TFCP2L1: variants seen among roughly 807,000 people sequenced by gnomAD.
The protein encoded by TFCP2L1 is transcription factor CP2-like protein 1.
A neutral mutation model predicts 72.2 loss-of-function variants in TFCP2L1; 12 were observed. That is an observed-to-expected ratio of 0.17 (90% CI 0.11 to 0.27). The LOEUF (loss-of-function observed/expected upper bound fraction) is 0.27, where lower values mean the gene tolerates loss of function less well. TFCP2L1 is among the 10% of genes least tolerant of loss of function. The probability of loss-of-function intolerance (pLI) is 1.00; values close to 1 mark genes in which losing one functional copy is unlikely to be tolerated. For missense variants in TFCP2L1, 488 were observed against 624.6 expected (o/e 0.78, Z 2.33); for synonymous variants, 260 against 251.0 (o/e 1.04, Z -0.34).
chr2:121,264,168 C>T (rs1246060708), intron 2 of TFCP2L1, among the ~76,000 whole-genome samples: 1 of 152,172 alleles, frequency 6.6e-6, no homozygotes, highest in Non-Finnish European at 1.5e-5. Flanking sequence ...CCCCAGGTCT[C>T]GAAGGCAGGG....
intron 2 of TFCP2L1, among the ~76,000 whole-genome samples, chr2:121,270,043 T>C (rs768981730): frequency 2.7e-5 from 4 of 150,894 alleles, no homozygotes; most frequent in Admixed American, 6.6e-5. Context: ...CTCTTACAAA[T>C]AAATAAGGAT....
At chr2:121,276,533 T>C (rs1048650943) in intron 2 of TFCP2L1, among the ~76,000 whole-genome samples, 1 of 150,754 alleles carries the variant, frequency 6.6e-6, no homozygotes, top group Admixed American at 6.6e-5. Flanking sequence ...CTCAGGAGGC[T>C]GAGGTAGGAG....
At chr2:121,276,634 GAAA>G (rs199554642) in intron 2 of TFCP2L1, among the ~76,000 whole-genome samples, 3 of 100,036 alleles carry the variant, frequency 3.0e-5, no homozygotes, top group Non-Finnish European at 2.2e-5. Context: ...CCCTGTCTCA[GAAA>G]AAAAAAAAAA....
intron 2 of TFCP2L1, among the ~76,000 whole-genome samples, chr2:121,280,891 T>C (rs1006598890): frequency 2.0e-5 from 3 of 152,052 alleles, no homozygotes; most frequent in African/African-American, 4.8e-5. Context: ...TGTTACCCTG[T>C]TACCCGCGTG....
chr2:121,270,421 C>T (rs574569777), intron 2 of TFCP2L1, among the ~76,000 whole-genome samples: 12 of 152,166 alleles, frequency 7.9e-5, no homozygotes, highest in South Asian at 4.2e-4. Flanking sequence ...GAAGGCAATC[C>T]GGCAGTACCT....
intron 3 of TFCP2L1, 103 bp downstream of exon 3, chr2:121,249,468 C>T: frequency 8.1e-6 from 9 of 1,105,306 alleles, no homozygotes; most frequent in Non-Finnish European, 1.1e-5. Context: ...CCGGCCTCTC[C>T]CTAACCTTCC....
At chr2:121,240,066 A>G (rs1686336095) in intron 7 of TFCP2L1, 1 of 985,302 alleles carries the variant, frequency 1.0e-6, no homozygotes, top group South Asian at 4.7e-5. Context: ...CAACTTCCAA[A>G]CAAAAAAATA....
At chr2:121,247,111 A>C in intron 5 of TFCP2L1, 141 bp from the exon 6 acceptor site, 1 of 965,232 alleles carries the variant, frequency 1.0e-6, no homozygotes, top group South Asian at 1.7e-5. Flanking sequence ...TTTCCCTGAC[A>C]CTCTGTCCAC....
chr2:121,267,282 C>G (rs1686950680), intron 2 of TFCP2L1, among the ~76,000 whole-genome samples: 1 of 152,116 alleles, frequency 6.6e-6, no homozygotes, highest in African/African-American at 2.4e-5. Flanking sequence ...GAACTCTGGG[C>G]TGAAGGCATC....
chr2:121,240,017 TC>T, intron 7 of TFCP2L1: 6 of 982,874 alleles, frequency 6.1e-6, no homozygotes, highest in Non-Finnish European at 4.8e-6. Flanking sequence ...AGAGACAAAT[TC>T]GTGTAAATGT....
At position 121,256,037 on chromosome 2, in the gene TFCP2L1, G is replaced by A. The variant is rs533594278; in HGVS notation, c.215-6390C>T. ...ATTACAGGCGTGAGCCACCGTGCCCGGCCCCCCTGAACTTCTTGATACTCA... is the reference window on the plus strand; with the variant it reads ...ATTACAGGCGTGAGCCACCGTGCCCAGCCCCCCTGAACTTCTTGATACTCA... On this transcript the variant is annotated intron_variant, in intron 2 of 14. Transcript: ENST00000263707. 2.4e-4 allele frequency among the ~76,000 whole-genome samples: 36 copies of A among 152,102 alleles called. No homozygotes were observed. The South Asian group carries it at 6.2e-3, about 26-fold the overall frequency.
chr2:121,248,596 C>T (rs549030187), intron 4 of TFCP2L1, among the ~76,000 whole-genome samples: 20 of 152,278 alleles, frequency 1.3e-4, no homozygotes, highest in African/African-American at 4.8e-4. Context: ...CCCACCTGGC[C>T]ACAAGGATTA....
intron 2 of TFCP2L1, among the ~76,000 whole-genome samples, chr2:121,257,995 G>A (rs1558739795): frequency 6.6e-6 from 1 of 152,088 alleles, no homozygotes; most frequent in Non-Finnish European, 1.5e-5. Context: ...GACAATACTG[G>A]TATGTCGTCG....
At chr2:121,269,055 T>C (rs1686990179) in intron 2 of TFCP2L1, among the ~76,000 whole-genome samples, 1 of 150,962 alleles carries the variant, frequency 6.6e-6, no homozygotes, top group African/African-American at 2.4e-5. Flanking sequence ...TGGATATCAA[T>C]AAAATCTTAA....
At position 121,220,943 on chromosome 2, in the gene TFCP2L1, C is replaced by T. The variant is rs1019555157; in HGVS notation, c.*3398G>A. On this transcript the variant is annotated 3_prime_UTR_variant, in exon 15 of 15. Transcript: ENST00000263707. ...CATGCCAGAAAAATGGAAGACTCTA[C>T]TAATAGCACACTTAAGGTAACAGAC... The T allele has an allele frequency of 2.0e-5, 3 of 152,188 alleles. No homozygotes were observed. Among genetic ancestry groups the T allele is most frequent in the African/African-American group, 7.2e-5 (3 of 41,448 alleles). The allele number at this position is 152,188 out of a possible 1,614,324, so 9.4% of individuals were successfully genotyped here.
chr2:121,241,114 A>C (rs935861832), intron 7 of TFCP2L1, among the ~76,000 whole-genome samples: 1 of 152,178 alleles, frequency 6.6e-6, no homozygotes, highest in Non-Finnish European at 1.5e-5. Flanking sequence ...CACCACCACC[A>C]ATCAGTCAGC....
intron 6 of TFCP2L1, among the ~76,000 whole-genome samples, chr2:121,243,220 A>G (rs10496564): frequency 0.032 from 4,819 of 152,344 alleles, 216 homozygotes; most frequent in African/African-American, 0.095. Flanking sequence ...TCAGATGTAA[A>G]GACTCCGAGC....
chr2:121,223,998 G>A lies in TFCP2L1; in HGVS notation c.*343C>T, dbSNP rs1685974191. The A allele has an allele frequency of 2.9e-6, 1 of 339,294 alleles. No individual in the cohort carries two copies. Among genetic ancestry groups the A allele is most frequent in the African/African-American group, 2.1e-5 (1 of 48,116 alleles). The allele number at this position is 339,294 out of a possible 1,614,324, so 21.0% of individuals were successfully genotyped here. On this transcript the variant is annotated 3_prime_UTR_variant, in exon 15 of 15. Transcript: ENST00000263707. ...AAGGGACCAATACAGGCAGCACCAA[G>A]ATACCCAATCAGCTTCCAACTAAGG...
intron 2 of TFCP2L1, among the ~76,000 whole-genome samples, chr2:121,267,497 A>ATC (rs386419696): frequency 7.7e-5 from 11 of 142,746 alleles, no homozygotes; most frequent in African/African-American, 3.3e-4. Context: ...AACATTAAAA[A>ATC]TCTTTTTTTT....
Sources: gnomAD v4.1 joint callset for allele counts (sites outside exome capture counted in the v4.1 genomes callset) on GRCh38, gnomAD v4.1.1 for gene constraint, MANE v1.5 for transcripts, NCBI Gene and HGNC (gene_info 2026-07-23, HGNC 2026-07-21) for gene names.